Variants in RANBP1 observed in about 807,000 individuals in gnomAD.
RANBP1 encodes the protein ran-specific GTPase-activating protein.
Under a neutral mutation model 31.4 loss-of-function variants are expected in RANBP1, and 16 were observed. That is an observed-to-expected ratio of 0.51 (90% confidence interval 0.34 to 0.77). The LOEUF is 0.77. RANBP1 is among the 30% of genes least tolerant of loss of function. The probability of loss-of-function intolerance (pLI) is 0.01; values close to 1 mark genes in which losing one functional copy is unlikely to be tolerated. For synonymous variants in RANBP1, 129 were observed against 140.5 expected (o/e 0.92, Z 0.58); for missense variants, 265 against 362.0 (o/e 0.73, Z 2.17).
rs1337169110 is a variant in RANBP1, at chr22:20,116,308, G to A, written c.124G>A (p.Gly42Ser). ...AALRNVTKAQ[G>S]GCPKSLVLWG... ...GCTGCGGAATGTCACAAAGGCGCAG[G>A]GTGGTTGCCCAAAGAGTTTGGTTTT... Residue 42 changes from glycine (G) to serine (S), a missense_variant, in exon 1 of 6, where the codon GGT becomes AGT. This residue lies in a region of RANBP1 where 126 missense variants were observed against 123.6 expected (regional missense o/e 1.02). Coordinates refer to ENST00000430524, the MANE Select transcript of RANBP1 (RefSeq NM_001278639.2). 6.2e-7 allele frequency: 1 copy of A among 1,612,978 alleles called. No individual in the cohort carries two copies.
chr22:20,119,402 C>T, intron 2 of RANBP1: 1 of 454,966 alleles, frequency 2.2e-6, no homozygotes, highest in South Asian at 2.7e-5. Context: ...ATGGCGGCCC[C>T]ACTGCCCTTT....
chr22:20,125,150 T>C, intron 3 of RANBP1, 158 bp from the exon 4 acceptor site: 2 of 738,280 alleles, frequency 2.7e-6, no homozygotes, highest in Non-Finnish European at 2.3e-6. Flanking sequence ...TCAGGCGCCG[T>C]GGTACTTTGT....
At chr22:20,116,648 T>A in intron 1 of RANBP1, 1 of 1,517,108 alleles carries the variant, frequency 6.6e-7, no homozygotes, top group Non-Finnish European at 8.8e-7. Context: ...GGGTGAGGAC[T>A]AGGCCCTGGG....
At chr22:20,123,438 G>GT (rs2050230906) in intron 3 of RANBP1, among the ~76,000 whole-genome samples, 1 of 93,344 alleles carries the variant, frequency 1.1e-5, no homozygotes, top group Non-Finnish European at 2.2e-5. Context: ...TGTTGGGGGG[G>GT]GTGTGTGGTG....
rs1164093401 is a variant in RANBP1, at chr22:20,116,618, T to G, written c.246+188T>G. The G allele has an allele frequency of 3.3e-6, 5 of 1,529,066 alleles. No homozygotes were observed. The East Asian group carries it at 1.1e-4, about 35-fold the overall frequency. The allele number at this position is 1,529,066 out of a possible 1,614,324, so 94.7% of individuals were successfully genotyped here. ...CTCTCCATGGGCTTCGGGCCCTGTG[T>G]GGGGACAGATGGGGTGCTAGGGTGA... On this transcript the variant is annotated intron_variant, in intron 1 of 5. Coordinates refer to ENST00000430524, the MANE Select transcript of RANBP1 (RefSeq NM_001278639.2).
At chr22:20,125,609 A>G in intron 4 of RANBP1, 173 bp downstream of exon 4, 2 of 1,510,038 alleles carry the variant, frequency 1.3e-6, no homozygotes, top group East Asian at 2.5e-5. Context: ...GACTGAAGCC[A>G]TGAGCAGCGC....
chr22:20,121,590 G>C (rs2050173112), intron 2 of RANBP1, among the ~76,000 whole-genome samples: 1 of 152,030 alleles, frequency 6.6e-6, no homozygotes, highest in South Asian at 2.1e-4. Context: ...TCTCACCCAG[G>C]CTGGAGTGCA....
At position 20,116,258 on chromosome 22, in the gene RANBP1, G is replaced by C. The variant is rs375241764; in HGVS notation, c.74G>C (p.Arg25Pro). 1.2e-6 allele frequency: 2 copies of C among 1,612,796 alleles called. No homozygotes were observed. The highest frequency in any genetic ancestry group is 1.7e-6 in the Non-Finnish European group (2 of 1,180,040). The change falls in exon 1 of 6, where the codon CGC (arginine) becomes CCC (proline). Residue 25 changes from arginine to proline, a missense_variant. Physicochemically the swap from Arg to Pro is moderately radical, Grantham distance 103. Transcript: ENST00000430524. ...TTCCAGAGGGCACCATGCAAAACGC[G>C]CAGGGCCTTGTCCCTCTCTGCAGCG... ...RPFQRAPCKTRRALSLSAALR... is the reference protein window; with the variant it reads ...RPFQRAPCKTPRALSLSAALR...
At chr22:20,118,009 C>T in intron 1 of RANBP1, 1 of 995,300 alleles carries the variant, frequency 1.0e-6, no homozygotes, top group Non-Finnish European at 1.2e-6. Flanking sequence ...ACTTGGGGCT[C>T]CCCACTAGTA....
intron 1 of RANBP1, chr22:20,116,746 T>A: frequency 4.6e-5 from 56 of 1,208,814 alleles, no homozygotes; most frequent in Non-Finnish European, 6.0e-5. Context: ...CAGTCTACCC[T>A]CCCGACCCCA....
chr22:20,122,166 A>G, intron 2 of RANBP1, 98 bp from the exon 3 acceptor site: 1 of 1,384,210 alleles, frequency 7.2e-7, no homozygotes, highest in Non-Finnish European at 1.0e-6. Context: ...TCGTGGAGGC[A>G]TGGGGTCCTG....
chr22:20,118,682 A>T (rs1277744117), intron 1 of RANBP1, among the ~76,000 whole-genome samples: 1 of 152,238 alleles, frequency 6.6e-6, no homozygotes. Flanking sequence ...GCTCAAAGAG[A>T]TGAGGCAGTT....
chr22:20,123,381 C>T (rs1226556675), intron 3 of RANBP1, among the ~76,000 whole-genome samples: 1 of 44,332 alleles, frequency 2.3e-5, no homozygotes, highest in Non-Finnish European at 3.8e-5. Context: ...TGTGTGGTGT[C>T]TGGGGGTGTT....
rs756772977 is a variant in RANBP1 at position 20,126,979 on chromosome 22, A to G, written c.764A>G (p.Glu255Gly). ...KAGSGKNDHA[E>G]KVAEKLEALS... ...GGATCAGGCAAAAATGATCATGCCG[A>G]AAAAGTGGCGGAAAAGCTAGAAGCT... is the stretch of plus-strand genomic sequence containing the variant. Residue 255 changes from glutamate to glycine, a missense_variant, in exon 6 of 6, where the codon GAA becomes GGA. Physicochemically the swap from Glu to Gly is moderately conservative, Grantham distance 98. Coordinates refer to ENST00000430524, the MANE Select transcript of RANBP1 (RefSeq NM_001278639.2). 2 of 1,613,418 alleles carry G rather than the reference A, an allele frequency of 1.2e-6. No individual in the cohort carries two copies. The highest frequency in any genetic ancestry group is 2.2e-5 in the East Asian group (1 of 44,856).
intron 1 of RANBP1, chr22:20,117,532 C>T (rs1166928908): frequency 1.9e-6 from 1 of 534,220 alleles, no homozygotes; most frequent in Non-Finnish European, 2.7e-6. Flanking sequence ...GAGGGAAGAG[C>T]GGGCGGGCGG....
Position 20,127,128 on chromosome 22 carries a change from G to A in RANBP1, c.*76G>A, listed in dbSNP as rs925486097. ...AATTTTACCCTGCCCCTCTTTTTCG[G>A]TTTGTTTTTATTCTTTCATTTTTAC... is the stretch of plus-strand genomic sequence containing the variant. On this transcript the variant is annotated 3_prime_UTR_variant, in exon 6 of 6. Coordinates refer to ENST00000430524, the MANE Select transcript of RANBP1 (RefSeq NM_001278639.2). 2 of 1,243,096 alleles carry A rather than the reference G, an allele frequency of 1.6e-6. No homozygotes were observed. The highest frequency in any genetic ancestry group is 3.1e-5 in the African/African-American group (2 of 63,946). 77.0% of individuals were successfully genotyped at this position (1,243,096 alleles called of 1,614,324 possible).
chr22:20,125,756 A>C, intron 4 of RANBP1: 2 of 1,016,450 alleles, frequency 2.0e-6, no homozygotes, highest in Non-Finnish European at 2.6e-6. Context: ...GGCCCAACCC[A>C]GGGCTTCCTC....
At chr22:20,126,906 A>T in intron 5 of RANBP1, 46 bp from the exon 6 acceptor site, 1 of 1,595,202 alleles carries the variant, frequency 6.3e-7, no homozygotes, top group Non-Finnish European at 8.6e-7. Context: ...CATGTGCTTG[A>T]ATGCACCGTG....
intron 3 of RANBP1, chr22:20,124,990 T>TG (rs111795946): frequency 0.024 from 8,089 of 339,552 alleles, 626 homozygotes; most frequent in African/African-American, 0.16. Context: ...TTTCTGGAGG[T>TG]GGGGGTCTGT....
Sources: allele counts gnomAD v4.1 joint callset (sites outside exome capture counted in the v4.1 genomes callset), GRCh38; gene constraint gnomAD v4.1.1; regional missense constraint gnomAD v4.1.1; transcripts MANE v1.5; gene names NCBI Gene and HGNC (gene_info 2026-07-23, HGNC 2026-07-21).